MTHFD1L: variants seen among roughly 807,000 people sequenced by gnomAD.
MTHFD1L encodes the protein monofunctional C1-tetrahydrofolate synthase, mitochondrial.
In MTHFD1L, 81 loss-of-function variants were observed where a neutral mutation model predicts 119.5. The observed-to-expected ratio is 0.68, with a 90% CI of 0.57 to 0.82. MTHFD1L has a LOEUF of 0.82. Among genes scored for constraint, MTHFD1L ranks in the 40% least tolerant of loss-of-function variants. The pLI is 0.00. For synonymous variants in MTHFD1L, 430 were observed against 475.2 expected, an observed-to-expected ratio of 0.90 and a Z score of 1.24; for missense variants, 1,125 against 1,253.4, an observed-to-expected ratio of 0.90 and a Z score of 1.55.
chr6:151,063,408 T>C (rs1038580050), intron 26 of MTHFD1L, among the ~76,000 whole-genome samples: 2 of 152,236 alleles, frequency 1.3e-5, no homozygotes, highest in Non-Finnish European at 2.9e-5. Flanking sequence ...GCTTCATTTA[T>C]TGCCTCGTTT....
At chr6:151,032,899 G>A (rs1324091716) in intron 24 of MTHFD1L, among the ~76,000 whole-genome samples, 1 of 152,166 alleles carries the variant, frequency 6.6e-6, no homozygotes, top group African/African-American at 2.4e-5. Context: ...GGTTCTATCA[G>A]GGTTGGGAGG....
At chr6:151,056,434 CG>C (rs2128591198) in intron 26 of MTHFD1L, among the ~76,000 whole-genome samples, 1 of 152,296 alleles carries the variant, frequency 6.6e-6, no homozygotes, top group African/African-American at 2.4e-5. Context: ...CACAGCCACC[CG>C]GCTTTTTCTG....
At chr6:150,945,827 C>G (rs1306013414) in intron 15 of MTHFD1L, among the ~76,000 whole-genome samples, 5 of 152,066 alleles carry the variant, frequency 3.3e-5, no homozygotes, top group Non-Finnish European at 7.4e-5. Flanking sequence ...TATGAGTACT[C>G]TAGTCAACTG....
intron 15 of MTHFD1L, among the ~76,000 whole-genome samples, chr6:150,945,767 T>C (rs903646006): frequency 2.6e-5 from 4 of 152,050 alleles, no homozygotes; most frequent in African/African-American, 4.8e-5. Context: ...ATTAACCTTT[T>C]TTGGTCTCAG....
chr6:151,029,284 G>A (rs1170304165), intron 24 of MTHFD1L, among the ~76,000 whole-genome samples: 1 of 151,542 alleles, frequency 6.6e-6, no homozygotes, highest in Non-Finnish European at 1.5e-5. Flanking sequence ...AGCCAGGCGT[G>A]GTGGCGGGAG....
intron 13 of MTHFD1L, among the ~76,000 whole-genome samples, chr6:150,943,538 TAC>T (rs986247683): frequency 2.6e-4 from 40 of 152,266 alleles, no homozygotes; most frequent in African/African-American, 9.6e-4. Context: ...GAAAATATAT[TAC>T]TCATTAGCAA....
intron 24 of MTHFD1L, among the ~76,000 whole-genome samples, chr6:151,022,576 G>GA (rs1784086123): frequency 2.0e-5 from 3 of 152,064 alleles, no homozygotes; most frequent in African/African-American, 7.2e-5. Flanking sequence ...TAATTAGAAG[G>GA]GAAAAAACAC....
At chr6:151,004,497 C>T (rs1161121226) in intron 20 of MTHFD1L, among the ~76,000 whole-genome samples, 1 of 152,114 alleles carries the variant, frequency 6.6e-6, no homozygotes, top group African/African-American at 2.4e-5. Context: ...CTGGTGTTCT[C>T]GTTTCTGCCG....
At chr6:150,932,792 AAGAAAGGG>A (rs1791295474) in intron 11 of MTHFD1L, among the ~76,000 whole-genome samples, 1 of 124,180 alleles carries the variant, frequency 8.1e-6, no homozygotes, top group Non-Finnish European at 1.6e-5. Flanking sequence ...AAGAGAAAGG[AAGAAAGGG>A]AGGAAGAGAG....
At chr6:151,015,756 G>A (rs997051960) in intron 24 of MTHFD1L, 63 bp downstream of exon 24, 2 of 1,553,196 alleles carry the variant, frequency 1.3e-6, no homozygotes, top group African/African-American at 1.4e-5. Context: ...GTCCCATTCT[G>A]TTGTCACCAC....
At chr6:150,883,096 G>A (rs985063084) in intron 5 of MTHFD1L, among the ~76,000 whole-genome samples, 1 of 151,570 alleles carries the variant, frequency 6.6e-6, no homozygotes, top group Non-Finnish European at 1.5e-5. Context: ...GCAGTGGCGT[G>A]ATCTTGGCTC....
At chr6:150,922,942 C>G (rs948812580) in intron 10 of MTHFD1L, among the ~76,000 whole-genome samples, 5 of 152,086 alleles carry the variant, frequency 3.3e-5, no homozygotes, top group Non-Finnish European at 7.4e-5. Context: ...CCACGCCTGG[C>G]CTGGCAGTGG....
intron 26 of MTHFD1L, among the ~76,000 whole-genome samples, chr6:151,063,772 A>T (rs1305894640): frequency 6.6e-6 from 1 of 152,214 alleles, no homozygotes; most frequent in East Asian, 1.9e-4. Context: ...TAAACATCCA[A>T]ATGTCAAGAA....
chr6:151,099,465 TTG>T, intron 27 of MTHFD1L: 7 of 1,027,292 alleles, frequency 6.8e-6, no homozygotes, highest in Admixed American at 3.6e-5. Context: ...TTTTTTTTTT[TTG>T]CCCTTCTCTC....
chr6:150,987,706 C>G (rs1019654374), intron 20 of MTHFD1L, among the ~76,000 whole-genome samples: 3 of 152,208 alleles, frequency 2.0e-5, no homozygotes, highest in African/African-American at 7.2e-5. Flanking sequence ...CACTTTCATT[C>G]CATAGCAGCA....
chr6:151,053,948 G>C (rs1241002961), intron 26 of MTHFD1L, among the ~76,000 whole-genome samples: 1 of 151,644 alleles, frequency 6.6e-6, no homozygotes, highest in Non-Finnish European at 1.5e-5. Flanking sequence ...TTTTGTTAAA[G>C]CTGGTTTGGA....
intron 26 of MTHFD1L, among the ~76,000 whole-genome samples, chr6:151,076,548 G>T (rs991956520): frequency 2.6e-5 from 4 of 151,892 alleles, no homozygotes; most frequent in African/African-American, 7.3e-5. Flanking sequence ...CTACTCGGGA[G>T]GCTGAGGCCC....
intron 17 of MTHFD1L, among the ~76,000 whole-genome samples, chr6:150,958,825 G>A (rs1796020250): frequency 6.6e-6 from 1 of 152,174 alleles, no homozygotes; most frequent in Admixed American, 6.5e-5. Flanking sequence ...AGTCATTAAA[G>A]TGAATGACAG....
intron 20 of MTHFD1L, among the ~76,000 whole-genome samples, chr6:150,981,222 C>T (rs1051593493): frequency 1.3e-5 from 2 of 152,308 alleles, no homozygotes; most frequent in East Asian, 1.9e-4. Context: ...TCCTGTTCCA[C>T]GTTGATTTTC....
Sources: allele counts gnomAD v4.1 joint callset (sites outside exome capture counted in the v4.1 genomes callset), GRCh38; gene constraint gnomAD v4.1.1; transcripts MANE v1.5; gene names NCBI Gene and HGNC (gene_info 2026-07-23, HGNC 2026-07-21).